The following TRPC5 variants were observed in gnomAD, a reference collection of about 807,000 sequenced individuals.
TRPC5 encodes transient receptor potential cation channel subfamily C member 5, also known as short transient receptor potential channel 5.
Under a neutral mutation model 56.5 loss-of-function variants are expected in TRPC5, and 9 were observed. The ratio of observed to expected loss-of-function variants is 0.16; its 90% confidence interval spans 0.10 to 0.28. The LOEUF (loss-of-function observed/expected upper bound fraction) is 0.28, where lower values mean the gene tolerates loss of function less well. Among genes scored for constraint, TRPC5 ranks in the 10% least tolerant of loss-of-function variants. The pLI, the probability that TRPC5 is intolerant of heterozygous loss-of-function variation, is 1.00. For missense variants in TRPC5, 469 were observed against 748.9 expected (o/e 0.63, Z 4.36); for synonymous variants, 282 against 278.5 (o/e 1.01, Z -0.13).
At chrX:111,846,068 T>G in intron 6 of TRPC5, among the ~76,000 whole-genome samples, 1 of 111,683 alleles carries the variant, frequency 9.0e-6, no homozygotes, top group Non-Finnish European at 1.9e-5. Context: ...TGTTTTGTTT[T>G]GTTTTGTTTT....
intron 6 of TRPC5, among the ~76,000 whole-genome samples, chrX:111,841,265 T>C (rs1922720934): frequency 8.9e-6 from 1 of 112,291 alleles, no homozygotes; most frequent in South Asian, 3.7e-4. Context: ...CTGTCCTTTT[T>C]CGCTTTTCGT....
At chrX:112,008,466 G>T (rs1278625976) in intron 1 of TRPC5, among the ~76,000 whole-genome samples, 1 of 110,123 alleles carries the variant, frequency 9.1e-6, no homozygotes, top group African/African-American at 3.3e-5. Context: ...CAGGTGCGGT[G>T]GTGGGTGCCT....
intron 1 of TRPC5, among the ~76,000 whole-genome samples, chrX:112,047,517 A>T (rs1483102353): frequency 1.8e-5 from 2 of 111,871 alleles, no homozygotes; most frequent in Non-Finnish European, 3.8e-5. Flanking sequence ...TGTATAGTAG[A>T]TATGACCTCG....
chrX:111,925,941 G>A (rs1279040206), intron 2 of TRPC5, among the ~76,000 whole-genome samples: 1 of 111,597 alleles, frequency 9.0e-6, no homozygotes, highest in Non-Finnish European at 1.9e-5. Flanking sequence ...GGACTGTTCC[G>A]TGCACGGTAG....
chrX:111,792,273 C>T (rs1276333782), intron 7 of TRPC5, among the ~76,000 whole-genome samples: 3 of 110,063 alleles, frequency 2.7e-5, no homozygotes, highest in Non-Finnish European at 5.7e-5. Context: ...CACATGGACA[C>T]AGAGAGGGGA....
intron 2 of TRPC5, among the ~76,000 whole-genome samples, chrX:111,917,117 C>T (rs1217673623): frequency 5.3e-5 from 6 of 112,351 alleles, no homozygotes; most frequent in African/African-American, 1.9e-4. Context: ...ACAACCAGCT[C>T]TCCACAGGGG....
In TRPC5 at chrX:111,782,125, A is replaced by G; in HGVS notation, c.1910T>C (p.Ile637Thr). Residue 637 changes from isoleucine to threonine, a missense_variant, in exon 8 of 11, where the codon ATC becomes ACC. By Grantham distance (89) the Ile-to-Thr change is moderately conservative. Around this residue, in one of 3 missense-constraint regions of TRPC5, gnomAD observed 157 missense variants for 360.0 expected, o/e 0.44. Transcript: ENST00000262839. ...CTTCGTCCTTGCAAACTTCCACTCG[A>G]TATCAGCATGATCCTATGAAAGATA... is the stretch of plus-strand genomic sequence containing the variant. The part of the protein sequence containing the change: ...SYQLIADHAD[I>T]EWKFARTKLW... 1 of 1,207,895 alleles carries G rather than the reference A, an allele frequency of 8.3e-7. No individual in the cohort carries two copies. The highest frequency in any genetic ancestry group is 1.1e-6 in the Non-Finnish European group (1 of 893,549).
At chrX:112,056,795 A>G (rs892134972) in intron 1 of TRPC5, among the ~76,000 whole-genome samples, 1 of 112,270 alleles carries the variant, frequency 8.9e-6, no homozygotes, top group Non-Finnish European at 1.9e-5. Context: ...GCCAGTGTCT[A>G]GCAGGCATCT....
intron 1 of TRPC5, among the ~76,000 whole-genome samples, chrX:112,039,178 G>A (rs917532577): frequency 1.7e-4 from 19 of 111,725 alleles, no homozygotes; most frequent in Admixed American, 4.7e-4. Flanking sequence ...GTAAAGCCAG[G>A]AGGTAGTTGA....
chrX:111,910,748 T>G (rs1480811288), intron 3 of TRPC5, among the ~76,000 whole-genome samples: 1 of 112,012 alleles, frequency 8.9e-6, no homozygotes, highest in Non-Finnish European at 1.9e-5. Flanking sequence ...GCCAGGCTGG[T>G]CTCGAACTCT....
intron 1 of TRPC5, among the ~76,000 whole-genome samples, chrX:111,974,224 A>C (rs773976453): frequency 2.7e-5 from 3 of 111,955 alleles, no homozygotes; most frequent in African/African-American, 9.7e-5. Context: ...ATAATTTTCT[A>C]AGCTTGCTAC....
chrX:111,974,192 G>A (rs1469211975), intron 1 of TRPC5, among the ~76,000 whole-genome samples: 1 of 111,761 alleles, frequency 8.9e-6, no homozygotes, highest in Non-Finnish European at 1.9e-5. Flanking sequence ...CTGAGTGATG[G>A]GAAACAAGGT....
chrX:111,981,853 A>T (rs1928090331), intron 1 of TRPC5, among the ~76,000 whole-genome samples: 1 of 112,122 alleles, frequency 8.9e-6, no homozygotes, highest in Non-Finnish European at 1.9e-5. Context: ...AACTTATTAG[A>T]TATGGTTTGG....
At chrX:111,906,369 A>T (rs6642965) in intron 3 of TRPC5, among the ~76,000 whole-genome samples, 1 of 105,022 alleles carries the variant, frequency 9.5e-6, no homozygotes, top group Non-Finnish European at 2.0e-5. Flanking sequence ...AACAAAAAAC[A>T]AAAAAAAGGT....
intron 1 of TRPC5, among the ~76,000 whole-genome samples, chrX:111,999,694 G>A (rs1228158143): frequency 2.7e-5 from 3 of 112,100 alleles, no homozygotes; most frequent in Non-Finnish European, 5.6e-5. Flanking sequence ...GGCCAGGCAC[G>A]GTGGCTCACG....
chrX:111,996,148 G>A (rs1928523302), intron 1 of TRPC5, among the ~76,000 whole-genome samples: 1 of 111,925 alleles, frequency 8.9e-6, no homozygotes, highest in Non-Finnish European at 1.9e-5. Context: ...TCTACACACT[G>A]CTTTAAATGT....
Position 111,869,150 on chromosome X carries a change from AT to A in TRPC5, c.901-15045del, listed in dbSNP as rs200465770. Among the ~76,000 whole-genome samples, 871 of 98,329 alleles carry A rather than the reference AT, an allele frequency of 8.9e-3. 3 individuals carry two copies. The highest frequency in any genetic ancestry group is 0.021 in the Middle Eastern group (4 of 192). The allele number at this position is 98,329 out of a possible 115,157, so 85.4% of individuals were successfully genotyped here. A position where few individuals can be genotyped will look rare whatever the true frequency, so the allele number is the denominator to read the frequency against. On this transcript the variant is annotated intron_variant, in intron 3 of 10. Transcript: ENST00000262839. ...TCATACTTTCATTAAGCAGTGCAGC[AT>A]TTTTTTTTTTTTTTTGTAAACCACT...
chrX:112,057,185 CAG>C (rs1405525806), intron 1 of TRPC5, among the ~76,000 whole-genome samples: 4 of 111,752 alleles, frequency 3.6e-5, no homozygotes, highest in Admixed American at 9.5e-5. Context: ...GTGGGAGAAA[CAG>C]TGTTTTCTTC....
At chrX:111,982,104 T>A (rs893924997) in intron 1 of TRPC5, among the ~76,000 whole-genome samples, 1 of 112,000 alleles carries the variant, frequency 8.9e-6, no homozygotes, top group East Asian at 2.8e-4. Flanking sequence ...TCTGCCATGA[T>A]TGTAAGTTTC....
Sources: allele counts gnomAD v4.1 joint callset (sites outside exome capture counted in the v4.1 genomes callset), GRCh38; gene constraint gnomAD v4.1.1; regional missense constraint gnomAD v4.1.1; transcripts MANE v1.5; gene names NCBI Gene and HGNC (gene_info 2026-07-23, HGNC 2026-07-21).